Variants in FCRL3 observed in about 807,000 individuals in gnomAD.
FCRL3 encodes Fc receptor like 3.
FCRL3 carries 89 observed loss-of-function variants against 75.0 expected under a neutral mutation model. The observed-to-expected ratio is 1.19, with a 90% confidence interval of 1.00 to 1.42. FCRL3 has a LOEUF of 1.42. Ranked by LOEUF, FCRL3 falls within the 40% of genes most tolerant of loss-of-function variation. FCRL3 has a pLI of 0.00. For synonymous variants in FCRL3, 376 were observed against 348.5 expected (o/e 1.08, Z -0.88); for missense variants, 946 against 880.0 (o/e 1.07, Z -0.95).
At chr1:157,680,496 A>C (rs549196244) in intron 13 of FCRL3, among the ~76,000 whole-genome samples, 2 of 152,372 alleles carry the variant, frequency 1.3e-5, no homozygotes, top group Admixed American at 1.3e-4. Flanking sequence ...AAAAAGTCAC[A>C]GTGTCTGTCC....
At chr1:157,685,749 A>C (rs1217933858) in intron 10 of FCRL3, among the ~76,000 whole-genome samples, 1 of 152,020 alleles carries the variant, frequency 6.6e-6, no homozygotes, top group African/African-American at 2.4e-5. Context: ...TACCAAGTAC[A>C]CTCTTAGACT....
intron 8 of FCRL3, among the ~76,000 whole-genome samples, chr1:157,693,062 G>C (rs1449450749): frequency 6.6e-6 from 1 of 151,878 alleles, no homozygotes; most frequent in Non-Finnish European, 1.5e-5. Flanking sequence ...GATTCCCTGA[G>C]CTCAGAAGTT....
In FCRL3 at chr1:157,690,353, T is replaced by C; in HGVS notation, c.1592A>G (p.Asn531Ser). The C allele has an allele frequency of 1.2e-6, 2 of 1,614,066 alleles. No homozygotes were observed. Among genetic ancestry groups the C allele is most frequent in the Non-Finnish European group, 1.7e-6 (2 of 1,180,012 alleles). ...SAHSGGGASF[N>S]LSLTTEHSGN... ...AGAATGTTCTGTAGTCAGAGAGAGG[T>C]TGAAGGATGCCCCTCCTCCAGAGTG... Residue 531 changes from asparagine (N) to serine (S), a missense_variant, in exon 9 of 15, where the codon AAC becomes AGC. Transcript: ENST00000368184.
chr1:157,699,221 G>A (rs989219966), intron 3 of FCRL3, among the ~76,000 whole-genome samples: 1 of 152,212 alleles, frequency 6.6e-6, no homozygotes, highest in Admixed American at 6.5e-5. Context: ...TCAGACTTGT[G>A]TATGGAATTG....
intron 8 of FCRL3, among the ~76,000 whole-genome samples, chr1:157,690,981 G>A (rs1174227560): frequency 6.7e-6 from 1 of 148,486 alleles, no homozygotes; most frequent in Non-Finnish European, 1.5e-5. Flanking sequence ...ATAGCATTTA[G>A]CACTACCTGA....
In FCRL3 at chr1:157,697,308, A is replaced by G. The variant is rs760947770; in HGVS notation, c.676T>C (p.Phe226Leu). ...GTCTGGCTATCTCTGAAGAGGGAGAATTGCAGCTGGACATCTGGCCTCTGT... is the reference window on the plus strand; with the variant it reads ...GTCTGGCTATCTCTGAAGAGGGAGAGTTGCAGCTGGACATCTGGCCTCTGT... The part of the protein sequence containing the change: ...SPQRPDVQLQ[F>L]SLFRDSQTLG... Residue 226 changes from phenylalanine to leucine, a missense_variant, in exon 6 of 15, where the codon TTC becomes CTC. Physicochemically the swap from Phe to Leu is conservative, Grantham distance 22. Transcript: ENST00000368184. The G allele has an allele frequency of 6.2e-7, 1 of 1,612,790 alleles. No homozygotes were observed.
chr1:157,696,613 G>C, intron 6 of FCRL3: 1 of 422,052 alleles, frequency 2.4e-6, no homozygotes, highest in Non-Finnish European at 4.3e-6. Flanking sequence ...AGGAATCTTT[G>C]ATGCATCAAT....
rs1008607329 is a variant in FCRL3, at chr1:157,678,364, G to A, written c.*346C>T. 4 of 1,085,178 alleles carry A rather than the reference G, an allele frequency of 3.7e-6. No individual in the cohort carries two copies. The highest frequency in any genetic ancestry group is 2.2e-6 in the Non-Finnish European group (2 of 892,050). 67.2% of individuals were successfully genotyped at this position (1,085,178 alleles called of 1,614,324 possible). A position where few individuals can be genotyped will look rare whatever the true frequency, so the allele number is the denominator to read the frequency against. On this transcript the variant is annotated 3_prime_UTR_variant, in exon 15 of 15. Transcript: ENST00000368184. ...TACAGAGAGCACATTAACAGCTTTCGATCACACTTGGATCAAATGGTCATG... is the reference window on the plus strand; with the variant it reads ...TACAGAGAGCACATTAACAGCTTTCAATCACACTTGGATCAAATGGTCATG...
chr1:157,700,399 T>G, intron 2 of FCRL3, 60 bp downstream of exon 2: 1 of 1,612,110 alleles, frequency 6.2e-7, no homozygotes, highest in Non-Finnish European at 8.5e-7. Flanking sequence ...GCTCCTTGAG[T>G]TTTTCCCTGG....
rs1654570952 is a variant in FCRL3, at chr1:157,677,996, T to C, written c.*714A>G. The C allele has an allele frequency of 3.0e-6, 3 of 985,368 alleles. No homozygotes were observed. Among genetic ancestry groups the C allele is most frequent in the Non-Finnish European group, 2.4e-6 (2 of 829,906 alleles). 61.0% of individuals were successfully genotyped at this position (985,368 alleles called of 1,614,324 possible). A position where few individuals can be genotyped will look rare whatever the true frequency, so the allele number is the denominator to read the frequency against. ...TGACTGACTAGAAATCTATCATGTA[T>C]GGCAAATGATGAGACTATGTCATGA... On this transcript the variant is annotated 3_prime_UTR_variant, in exon 15 of 15. Transcript: ENST00000368184.
chr1:157,690,266 A>C lies in FCRL3; in HGVS notation c.1679T>G (p.Leu560Arg), dbSNP rs761616785. The C allele has an allele frequency of 6.2e-7, 1 of 1,614,100 alleles. No homozygotes were observed. The highest frequency in any genetic ancestry group is 8.5e-7 in the Non-Finnish European group (1 of 1,180,018). ...LGAQHSKVVT[L>R]NVTGTSRNRT... is the part of the protein sequence containing the mutation. ...TACTATTAACACACCTGTAACATTG[A>C]GTGTCACCACTTTACTGTGCTGGGC... Residue 560 changes from leucine (L) to arginine (R), a missense_variant, in exon 9 of 15, where the codon CTC (leucine) becomes CGC (arginine). Coordinates refer to ENST00000368184, the MANE Select transcript of FCRL3 (RefSeq NM_052939.4).
At chr1:157,687,649 T>A (rs772417369) in intron 10 of FCRL3, among the ~76,000 whole-genome samples, 2 of 151,080 alleles carry the variant, frequency 1.3e-5, no homozygotes, top group Non-Finnish European at 3.0e-5. Context: ...TAGATTTAAC[T>A]GGAGGCCATA....
At chr1:157,698,114 G>A in intron 4 of FCRL3, 195 bp from the exon 5 acceptor site, 1 of 747,502 alleles carries the variant, frequency 1.3e-6, no homozygotes, top group South Asian at 1.9e-5. Context: ...ATGTTCTTGA[G>A]AAATCTTCAC....
chr1:157,697,752 T>C lies in FCRL3; in HGVS notation c.466A>G (p.Arg156Gly), dbSNP rs1456385911. 1 of 1,614,128 alleles carries C rather than the reference T, an allele frequency of 6.2e-7. No individual in the cohort carries two copies. Among genetic ancestry groups the C allele is most frequent in the South Asian group, 1.1e-5 (1 of 91,084 alleles). Residue 156 changes from arginine to glycine, a missense_variant, in exon 5 of 15, where the codon AGG becomes GGG. Transcript: ENST00000368184. ...GTACAATGATATTTGCTATTATCCC[T>C]GGAGACTGAATTCACTGTGATCTTC... Reference protein sequence around the residue: ...LEKITVNSVSRDNSKYHCTAY... With the variant: ...LEKITVNSVSGDNSKYHCTAY...
In FCRL3 at chr1:157,700,497, G is replaced by A. The variant is rs370527134; in HGVS notation, c.-8C>T. 4.2e-5 allele frequency: 68 copies of A among 1,613,946 alleles called. No homozygotes were observed. Among genetic ancestry groups the A allele is most frequent in the South Asian group, 1.1e-4 (10 of 91,084 alleles). On this transcript the variant is annotated 5_prime_UTR_variant, in exon 2 of 15. Coordinates refer to ENST00000368184, the MANE Select transcript of FCRL3 (RefSeq NM_052939.4). ...CAGCAGCCACAGAAGCATGGGCACC[G>A]GCCGGGCAGAGGGTTGGGAAAGTCT... is the stretch of plus-strand genomic sequence containing the variant.
intron 2 of FCRL3, 88 bp from the exon 3 acceptor site, chr1:157,699,800 T>A: frequency 5.6e-6 from 8 of 1,434,640 alleles, no homozygotes; most frequent in Non-Finnish European, 7.7e-6. Flanking sequence ...TTTTTCCTTA[T>A]CATTTCTTTG....
intron 10 of FCRL3, among the ~76,000 whole-genome samples, chr1:157,684,090 G>A (rs1025070668): frequency 6.6e-6 from 1 of 152,062 alleles, no homozygotes; most frequent in South Asian, 2.1e-4. Context: ...TATTTACTTT[G>A]AGGACTTAAA....
At chr1:157,680,933 C>T (rs1379853489) in intron 12 of FCRL3, 48 bp downstream of exon 12, 1 of 1,508,396 alleles carries the variant, frequency 6.6e-7, no homozygotes. Context: ...ATCCCTCTTC[C>T]CTCCCTGGCT....
intron 12 of FCRL3, 65 bp from the exon 13 acceptor site, chr1:157,680,835 T>A: frequency 6.6e-7 from 1 of 1,513,948 alleles, no homozygotes; most frequent in Non-Finnish European, 9.1e-7. Flanking sequence ...TACTTCCCAA[T>A]CACCAAATTC....
Sources: allele counts gnomAD v4.1 joint callset (sites outside exome capture counted in the v4.1 genomes callset), GRCh38; gene constraint gnomAD v4.1.1; transcripts MANE v1.5; gene names NCBI Gene and HGNC (gene_info 2026-07-23, HGNC 2026-07-21).